Variants in PMFBP1 observed in about 807,000 individuals in gnomAD.
The protein encoded by PMFBP1 is polyamine modulated factor 1 binding protein 1, also known as polyamine-modulated factor 1-binding protein 1.
A neutral mutation model predicts 137.8 loss-of-function variants in PMFBP1; 131 were observed. The ratio of observed to expected loss-of-function variants is 0.95; its 90% CI spans 0.82 to 1.10. The LOEUF (loss-of-function observed/expected upper bound fraction) is 1.10, where lower values mean the gene tolerates loss of function less well. Ranked by LOEUF, PMFBP1 falls within the 50% of genes least tolerant of loss-of-function variation. The pLI is 0.00. For synonymous variants in PMFBP1, 490 were observed against 450.4 expected, an observed-to-expected ratio of 1.09 and a Z score of -1.11; for missense variants, 1,199 against 1,175.4, an observed-to-expected ratio of 1.02 and a Z score of -0.29.
At chr16:72,138,283 C>T (rs935947785) in intron 7 of PMFBP1, among the ~76,000 whole-genome samples, 1 of 152,214 alleles carries the variant, frequency 6.6e-6, no homozygotes, top group Admixed American at 6.5e-5. Context: ...TCCTCCCCGA[C>T]TAGAGAACCC....
chr16:72,117,879 C>G (rs1008021152), downstream of PMFBP1, among the ~76,000 whole-genome samples: 3 of 152,204 alleles, frequency 2.0e-5, no homozygotes, highest in Non-Finnish European at 2.9e-5. Context: ...TTCTCTAAGT[C>G]CATCCCCTGT....
intron 19 of PMFBP1, among the ~76,000 whole-genome samples, chr16:72,122,698 T>A (rs1211168993): frequency 6.6e-6 from 1 of 152,098 alleles, no homozygotes. Context: ...ACTACTAAAC[T>A]CCCTTTGGAT....
At chr16:72,192,120 T>C in the PMFBP1 span, among the ~76,000 whole-genome samples, 2 of 152,306 alleles carry the variant, frequency 1.3e-5, no homozygotes, top group South Asian at 4.1e-4. Flanking sequence ...GTGTTTATTA[T>C]TTACCTGTGA....
the PMFBP1 span, among the ~76,000 whole-genome samples, chr16:72,196,426 T>TC: frequency 1.3e-5 from 2 of 152,086 alleles, no homozygotes; most frequent in Admixed American, 1.3e-4. Flanking sequence ...TGACGCTGCC[T>TC]CCCCCAACCT....
the PMFBP1 span, among the ~76,000 whole-genome samples, chr16:72,187,198 T>C: frequency 6.6e-6 from 1 of 152,054 alleles, no homozygotes. Context: ...TAAATAAAGA[T>C]TGATAGTGGA....
At chr16:72,158,787 A>G (rs1465905605) in intron 3 of PMFBP1, among the ~76,000 whole-genome samples, 1 of 152,156 alleles carries the variant, frequency 6.6e-6, no homozygotes, top group African/African-American at 2.4e-5. Context: ...TGAGATGAGG[A>G]GTTCAAGACC....
At chr16:72,139,788 A>AT (rs936354989) in intron 6 of PMFBP1, among the ~76,000 whole-genome samples, 92 of 151,656 alleles carry the variant, frequency 6.1e-4, no homozygotes, top group Non-Finnish European at 1.0e-3. Context: ...TGTGTGTGTA[A>AT]TTTTTTTTTG....
chr16:72,122,863 C>T (rs762989498), intron 19 of PMFBP1, 51 bp downstream of exon 19: 40 of 1,552,358 alleles, frequency 2.6e-5, no homozygotes, highest in African/African-American at 4.1e-5. Context: ...TCCCTGCTGA[C>T]CCTTCTTGTC....
In PMFBP1 at chr16:72,148,614, C is replaced by A. The variant is rs566012709; in HGVS notation, c.636+1994G>T. Among the ~76,000 whole-genome samples, 11 of 151,964 alleles carry A rather than the reference C, an allele frequency of 7.2e-5. No individual in the cohort carries two copies. The South Asian group carries it at 2.3e-3, about 32-fold the overall frequency. ...TTACAGACTGGGAGAAAATATTTGC[C>A]ACATATGTAATGAAGCATTATTGCC... On this transcript the variant is annotated intron_variant, in intron 5 of 20. Transcript: ENST00000237353.
At chr16:72,130,386 C>A (rs750954904) in intron 11 of PMFBP1, 29 bp from the exon 12 acceptor site, 2 of 1,613,938 alleles carry the variant, frequency 1.2e-6, no homozygotes, top group South Asian at 1.1e-5. Context: ...CACAGGAGGA[C>A]AGACTTCAGT....
At chr16:72,236,383 T>G in the PMFBP1 span, among the ~76,000 whole-genome samples, 1 of 152,202 alleles carries the variant, frequency 6.6e-6, no homozygotes. Flanking sequence ...TCGCTACATT[T>G]AACAAGGTAC....
At chr16:72,144,372 T>C (rs2042772258) in intron 5 of PMFBP1, among the ~76,000 whole-genome samples, 1 of 152,098 alleles carries the variant, frequency 6.6e-6, no homozygotes, top group Non-Finnish European at 1.5e-5. Flanking sequence ...ACAGGATCTA[T>C]TAAAACAAGC....
the PMFBP1 span, among the ~76,000 whole-genome samples, chr16:72,239,885 C>CAAAAAAAAAAA: frequency 9.3e-5 from 2 of 21,406 alleles, no homozygotes; most frequent in Admixed American, 4.5e-4. Flanking sequence ...ACTCCATGTA[C>CAAAAAAAAAAA]AAAAAAAAAA....
the PMFBP1 span, among the ~76,000 whole-genome samples, chr16:72,212,471 C>T: frequency 2.7e-4 from 39 of 143,720 alleles, no homozygotes; most frequent in Admixed American, 1.9e-3. Context: ...AAATTTGTAA[C>T]GGGTTGTATT....
chr16:72,202,411 C>G, the PMFBP1 span, among the ~76,000 whole-genome samples: 1 of 152,150 alleles, frequency 6.6e-6, no homozygotes, highest in Non-Finnish European at 1.5e-5. Context: ...CTCCTGGGCT[C>G]AAGCCATCCT....
chr16:72,119,779 C>T (rs764813670), intron 20 of PMFBP1, 72 bp downstream of exon 20: 2 of 1,568,342 alleles, frequency 1.3e-6, no homozygotes, highest in Non-Finnish European at 1.7e-6. Flanking sequence ...TTTCTTCTTC[C>T]TACTTGAATT....
the PMFBP1 span, among the ~76,000 whole-genome samples, chr16:72,219,982 A>G: frequency 6.6e-6 from 1 of 152,240 alleles, no homozygotes; most frequent in Non-Finnish European, 1.5e-5. Context: ...GAGAAATTAA[A>G]TAAATACATT....
intron 3 of PMFBP1, among the ~76,000 whole-genome samples, chr16:72,160,790 C>A (rs1445659079): frequency 6.6e-6 from 1 of 152,094 alleles, no homozygotes; most frequent in Non-Finnish European, 1.5e-5. Context: ...ATTCTAAGTG[C>A]TTCATATTTG....
chr16:72,120,280 G>C (rs140282012), intron 19 of PMFBP1, 191 bp from the exon 20 acceptor site: 9,197 of 905,242 alleles, frequency 0.01, 63 homozygotes, highest in Non-Finnish European at 0.013. Flanking sequence ...CCCAGGCCTG[G>C]GGTCTGAGTG....
Sources: allele counts gnomAD v4.1 joint callset (sites outside exome capture counted in the v4.1 genomes callset), GRCh38; gene constraint gnomAD v4.1.1; transcripts MANE v1.5; gene names NCBI Gene and HGNC (gene_info 2026-07-23, HGNC 2026-07-21).